Variants in DCAF8 observed in about 807,000 individuals in gnomAD.
The protein encoded by DCAF8 is DDB1- and CUL4-associated factor 8.
Under a neutral mutation model 68.0 loss-of-function variants are expected in DCAF8, and 20 were observed. The ratio of observed to expected loss-of-function variants is 0.29; its 90% confidence interval spans 0.21 to 0.43. The LOEUF is 0.43. Among genes scored for constraint, DCAF8 ranks in the 20% least tolerant of loss-of-function variants. DCAF8 has a pLI of 1.00. For synonymous variants in DCAF8, 230 were observed against 276.9 expected (o/e 0.83, Z 1.68); for missense variants, 460 against 771.0 (o/e 0.60, Z 4.78).
At chr1:160,255,208 G>A (rs1022981754) in intron 2 of DCAF8, among the ~76,000 whole-genome samples, 34 of 152,340 alleles carry the variant, frequency 2.2e-4, no homozygotes, top group Non-Finnish European at 4.3e-4. Flanking sequence ...AAGTATTCAT[G>A]TTCTACGAAC....
chr1:160,258,250 G>C (rs1293341306), intron 2 of DCAF8, among the ~76,000 whole-genome samples: 1 of 152,148 alleles, frequency 6.6e-6, no homozygotes, highest in Non-Finnish European at 1.5e-5. Context: ...GAGAGGCTGA[G>C]ATGGGAGAAT....
At chr1:160,253,647 CAAAAAAAAAAAAAAAAAAA>C (rs747211563) in intron 2 of DCAF8, among the ~76,000 whole-genome samples, 10 of 26,966 alleles carry the variant, frequency 3.7e-4, no homozygotes, top group Non-Finnish European at 7.6e-4. Flanking sequence ...GACTCCATCT[CAAAAAAAAAAAAAAAAAAA>C]AAAAAAAAAA....
At chr1:160,233,366 T>C (rs943644003) in intron 6 of DCAF8, among the ~76,000 whole-genome samples, 9 of 152,016 alleles carry the variant, frequency 5.9e-5, no homozygotes, top group Admixed American at 2.6e-4. Flanking sequence ...CTAGGCAACA[T>C]AGTGAGCTCC....
intron 2 of DCAF8, among the ~76,000 whole-genome samples, chr1:160,258,328 T>G (rs1259572377): frequency 6.6e-6 from 1 of 151,826 alleles, no homozygotes; most frequent in African/African-American, 2.4e-5. Context: ...GGTGACAGAG[T>G]GAGATCCTAT....
At position 160,224,424 on chromosome 1, in the gene DCAF8, C is replaced by T; in HGVS notation, c.1309+18G>A. On this transcript the variant is annotated intron_variant, in intron 10 of 13. Transcript: ENST00000368074. ...GCCAACAGGCTTGGGCCAAAGAAAC[C>T]TAGGAAGACAGTCTCACCTGTGGCA... 3 of 1,598,060 alleles carry T rather than the reference C, an allele frequency of 1.9e-6. No homozygotes were observed. Among genetic ancestry groups the T allele is most frequent in the African/African-American group, 1.3e-5 (1 of 74,728 alleles).
At chr1:160,250,739 A>G (rs1311673115) in intron 2 of DCAF8, among the ~76,000 whole-genome samples, 1 of 152,236 alleles carries the variant, frequency 6.6e-6, no homozygotes, top group Non-Finnish European at 1.5e-5. Flanking sequence ...TCCTAAATAC[A>G]TAAAAAGTCT....
At chr1:160,239,303 A>G (rs1571096739) in intron 4 of DCAF8, 2 of 1,132,746 alleles carry the variant, frequency 1.8e-6, no homozygotes, top group African/African-American at 1.6e-5. Context: ...TCATAACCCT[A>G]TGTGTTATTA....
chr1:160,236,356 ATGTG>A (rs557971666), intron 6 of DCAF8, among the ~76,000 whole-genome samples: 1 of 151,306 alleles, frequency 6.6e-6, no homozygotes, highest in Admixed American at 6.6e-5. Context: ...GTGTGTACAT[ATGTG>A]TGTATATAAA....
chr1:160,256,186 T>G (rs1656831284), intron 2 of DCAF8, among the ~76,000 whole-genome samples: 1 of 151,994 alleles, frequency 6.6e-6, no homozygotes, highest in Non-Finnish European at 1.5e-5. Flanking sequence ...CCAGGACCAT[T>G]TATCTCAGTT....
chr1:160,232,173 G>A (rs1297451088), intron 6 of DCAF8, among the ~76,000 whole-genome samples: 2 of 151,658 alleles, frequency 1.3e-5, no homozygotes, highest in Non-Finnish European at 2.9e-5. Flanking sequence ...TCATGCCACG[G>A]TACTCCAGCC....
At chr1:160,237,111 T>C (rs1362572151) in intron 6 of DCAF8, 24 bp downstream of exon 6, 1 of 1,497,608 alleles carries the variant, frequency 6.7e-7, no homozygotes, top group East Asian at 2.4e-5. Context: ...TACAGTTCTG[T>C]AATGATATTA....
intron 7 of DCAF8, 71 bp downstream of exon 7, chr1:160,231,226 A>C (rs1465426223): frequency 9.4e-7 from 1 of 1,061,688 alleles, no homozygotes; most frequent in Non-Finnish European, 1.4e-6. Flanking sequence ...CTCTCCATAA[A>C]GGAGCACCTG....
intron 11 of DCAF8, 179 bp from the exon 12 acceptor site, chr1:160,219,147 C>T: frequency 1.4e-6 from 1 of 738,816 alleles, no homozygotes; most frequent in South Asian, 1.9e-5. Context: ...AAACCAGACA[C>T]AGACTGGGTA....
rs1355919026 is a variant in DCAF8 at position 160,238,660 on chromosome 1, G to A, written c.811C>T (p.Gln271Ter). 6.2e-7 allele frequency: 1 copy of A among 1,613,798 alleles called. No homozygotes were observed. Among genetic ancestry groups the A allele is most frequent in the Non-Finnish European group, 8.5e-7 (1 of 1,179,890 alleles). Residue 271 changes from glutamine (Q) to a stop codon, truncating the protein, a stop_gained, in exon 5 of 14, where the codon CAG becomes TAG. Coordinates refer to ENST00000368074, the MANE Select transcript of DCAF8 (RefSeq NM_015726.4). LOFTEE classifies it high-confidence loss of function. Reference sequence around the variant, plus strand: ...ACACGTTTTGTATTCTTGCAACACTGTGTGGCAGACAGTTCTGCTACTCGA... The same window carrying A: ...ACACGTTTTGTATTCTTGCAACACTATGTGGCAGACAGTTCTGCTACTCGA... ...QVRVAELSAT[Q>*]CCKNTKRVAQ... is the part of the protein sequence containing the mutation.
chr1:160,218,870 A>C lies in DCAF8; in HGVS notation c.1539T>G (p.Thr513=). ...TTACATCTTTTAACCCTGTCAGCTC[A>C]GTGGAAGCTTCAGCTGTGGGTGCCC... ...KIWAPTAEAS[T]ELTGLKDVIK... is the part of the protein sequence containing the mutation. The change falls in exon 12 of 14, where the codon ACT becomes ACG. Residue 513 remains threonine (T), a synonymous_variant. Transcript: ENST00000368074. The C allele has an allele frequency of 6.2e-7, 1 of 1,614,254 alleles. No individual in the cohort carries two copies. The highest frequency in any genetic ancestry group is 1.1e-5 in the South Asian group (1 of 91,086).
At position 160,222,687 on chromosome 1, in the gene DCAF8, C is replaced by T. The variant is rs746284391; in HGVS notation, c.1404G>A (p.Gln468=). The part of the protein sequence containing the change: ...HIFLWEKSSC[Q]IIQFMEGDKG... ...TGTCCCCCTCCATGAACTGAATAAT[C>T]TGGCAGGATGATTTCTCCCAGAGGA... The change falls in exon 11 of 14, where the codon CAG becomes CAA. Residue 468 remains glutamine, a synonymous_variant. Coordinates refer to ENST00000368074, the MANE Select transcript of DCAF8 (RefSeq NM_015726.4). 5.6e-6 allele frequency: 9 copies of T among 1,614,164 alleles called. No homozygotes were observed. The highest frequency in any genetic ancestry group is 7.6e-6 in the Non-Finnish European group (9 of 1,180,022).
intron 2 of DCAF8, among the ~76,000 whole-genome samples, chr1:160,254,617 C>T (rs759330947): frequency 5.3e-5 from 8 of 151,718 alleles, no homozygotes; most frequent in Non-Finnish European, 7.4e-5. Flanking sequence ...CATGGTAAAA[C>T]CCCATTTCTA....
At chr1:160,234,888 T>A (rs1655816600) in intron 6 of DCAF8, among the ~76,000 whole-genome samples, 1 of 152,200 alleles carries the variant, frequency 6.6e-6, no homozygotes, top group African/African-American at 2.4e-5. Context: ...CTCTTGAAGG[T>A]TATATAAACA....
intron 2 of DCAF8, among the ~76,000 whole-genome samples, chr1:160,246,719 C>G (rs57978931): frequency 2.0e-5 from 3 of 152,010 alleles, no homozygotes; most frequent in Non-Finnish European, 4.4e-5. Flanking sequence ...CGGCAGCTCA[C>G]GCCTATAATC....
Sources: allele counts gnomAD v4.1 joint callset (sites outside exome capture counted in the v4.1 genomes callset), GRCh38; gene constraint gnomAD v4.1.1; transcripts MANE v1.5; gene names NCBI Gene and HGNC (gene_info 2026-07-23, HGNC 2026-07-21).